The following VAV3 variants were observed in gnomAD, a reference collection of about 807,000 sequenced individuals.
The protein encoded by VAV3 is vav guanine nucleotide exchange factor 3.
A neutral mutation model predicts 131.2 loss-of-function variants in VAV3; 94 were observed. That is an observed-to-expected ratio of 0.72 (90% CI 0.61 to 0.85). The LOEUF (loss-of-function observed/expected upper bound fraction) is 0.85. Ranked by LOEUF, VAV3 falls within the 40% of genes least tolerant of loss-of-function variation. The pLI is 0.00. For missense variants in VAV3, 939 were observed against 1,002.7 expected (o/e 0.94, Z 0.86); for synonymous variants, 349 against 342.0 (o/e 1.02, Z -0.22).
At position 107,777,110 on chromosome 1, in the gene VAV3, T is replaced by A. The variant is rs546615252; in HGVS notation, c.446+121A>T. 57 of 857,194 alleles carry A rather than the reference T, an allele frequency of 6.6e-5. No individual in the cohort carries two copies. In the East Asian group the frequency reaches 1.4e-3, roughly 20 times the overall value. The allele number at this position is 857,194 out of a possible 1,614,324, so 53.1% of individuals were successfully genotyped here. A position where few individuals can be genotyped will look rare whatever the true frequency, so the allele number is the denominator to read the frequency against. ...AAAGCTTTCCATCGCCAGTTTAAGG[T>A]TAATCAGTAATTAAGCCACTTTTCC... On this transcript the variant is annotated intron_variant, in intron 4 of 26. Transcript: ENST00000370056.
chr1:107,907,247 C>A (rs2101106794), intron 1 of VAV3, among the ~76,000 whole-genome samples: 1 of 152,228 alleles, frequency 6.6e-6, no homozygotes, highest in Non-Finnish European at 1.5e-5. Context: ...AGATGCAGAG[C>A]AAATCACTGA....
At chr1:107,823,492 G>A (rs182511110) in intron 2 of VAV3, among the ~76,000 whole-genome samples, 46 of 151,894 alleles carry the variant, frequency 3.0e-4, no homozygotes, top group African/African-American at 4.8e-5. Context: ...ACGTGGGCTG[G>A]GTAGCATTAA....
At chr1:107,655,643 T>C (rs575328554) in intron 19 of VAV3, among the ~76,000 whole-genome samples, 6 of 152,126 alleles carry the variant, frequency 3.9e-5, no homozygotes, top group African/African-American at 1.4e-4. Flanking sequence ...CTAAAAAGCT[T>C]CTGAAGAGCA....
chr1:107,902,120 C>T (rs986462605), intron 1 of VAV3, among the ~76,000 whole-genome samples: 3 of 151,262 alleles, frequency 2.0e-5, no homozygotes, highest in African/African-American at 7.3e-5. Context: ...AAAAAAAATT[C>T]AGAGAAATAT....
intron 1 of VAV3, among the ~76,000 whole-genome samples, chr1:107,909,080 T>C (rs576923587): frequency 1.3e-5 from 2 of 152,326 alleles, no homozygotes; most frequent in South Asian, 2.1e-4. Flanking sequence ...AAAATATTTA[T>C]TTGCTATCTA....
At chr1:107,627,690 T>C (rs1470867209) in intron 20 of VAV3, among the ~76,000 whole-genome samples, 1 of 152,178 alleles carries the variant, frequency 6.6e-6, no homozygotes, top group Non-Finnish European at 1.5e-5. Context: ...AGAATTAAAA[T>C]CTCATTTTAT....
At chr1:107,725,175 G>T (rs1352532455) in intron 15 of VAV3, among the ~76,000 whole-genome samples, 1 of 152,170 alleles carries the variant, frequency 6.6e-6, no homozygotes, top group African/African-American at 2.4e-5. Context: ...ACAACAGTCA[G>T]TTGGGAGTCA....
chr1:107,772,911 TACTGG>T lies in VAV3; in HGVS notation c.447-73_447-69del, dbSNP rs201801980. 7.0e-3 allele frequency: 9,286 copies of T among 1,317,526 alleles called. 49 individuals are homozygous for T. The highest frequency in any genetic ancestry group is 0.023 in the Middle Eastern group (121 of 5,360). The allele number at this position is 1,317,526 out of a possible 1,614,324, so 81.6% of individuals were successfully genotyped here. On this transcript the variant is annotated intron_variant, in intron 4 of 26. Transcript: ENST00000370056. ...GTAAATGCAATAGCTACAAATAGCC[TACTGG>T]ATTTTAGTAAAAAATCCAGAAAGGA...
chr1:107,697,201 T>G (rs1659799371), intron 17 of VAV3, among the ~76,000 whole-genome samples: 1 of 152,164 alleles, frequency 6.6e-6, no homozygotes, highest in Non-Finnish European at 1.5e-5. Flanking sequence ...ATACAGAGAT[T>G]CTTCTTCCCC....
At chr1:107,903,518 A>G (rs1455329626) in intron 1 of VAV3, among the ~76,000 whole-genome samples, 1 of 152,162 alleles carries the variant, frequency 6.6e-6, no homozygotes, top group African/African-American at 2.4e-5. Flanking sequence ...ATGCCAGATA[A>G]ATGATAAAAT....
chr1:107,957,423 T>C (rs190666173), intron 1 of VAV3, among the ~76,000 whole-genome samples: 13 of 152,234 alleles, frequency 8.5e-5, no homozygotes, highest in Admixed American at 6.5e-4. Context: ...TCTACAATGA[T>C]CAGGCTTCAT....
chr1:107,751,540 A>G (rs1210968214), intron 12 of VAV3, among the ~76,000 whole-genome samples: 2 of 152,326 alleles, frequency 1.3e-5, no homozygotes, highest in African/African-American at 4.8e-5. Context: ...CTACGTGCCA[A>G]CCACCATAAC....
intron 1 of VAV3, among the ~76,000 whole-genome samples, chr1:107,906,461 G>GA (rs991568479): frequency 6.6e-6 from 1 of 151,996 alleles, no homozygotes; most frequent in African/African-American, 2.4e-5. Flanking sequence ...TCAGGAGATC[G>GA]AGACCATCCT....
intron 21 of VAV3, 90 bp from the exon 22 acceptor site, chr1:107,610,055 T>G: frequency 8.2e-7 from 1 of 1,225,908 alleles, no homozygotes; most frequent in Non-Finnish European, 1.2e-6. Context: ...GACTCAGCTC[T>G]ATAAAACCCT....
chr1:107,804,891 C>T (rs1666991143), intron 2 of VAV3, among the ~76,000 whole-genome samples: 1 of 151,442 alleles, frequency 6.6e-6, no homozygotes. Context: ...CAAAGATTAT[C>T]TCTCTTTCAT....
intron 17 of VAV3, among the ~76,000 whole-genome samples, chr1:107,700,415 T>C (rs1257623587): frequency 2.0e-5 from 3 of 152,220 alleles, no homozygotes; most frequent in Non-Finnish European, 2.9e-5. Context: ...AAGAATTAAG[T>C]GCAGCATGCA....
At chr1:107,614,614 T>G (rs1346519110) in intron 21 of VAV3, among the ~76,000 whole-genome samples, 2 of 152,118 alleles carry the variant, frequency 1.3e-5, no homozygotes, top group Admixed American at 1.3e-4. Context: ...CTGAACATAT[T>G]TCTCCTTCTA....
At chr1:107,633,391 T>G (rs1654651995) in intron 20 of VAV3, among the ~76,000 whole-genome samples, 1 of 152,150 alleles carries the variant, frequency 6.6e-6, no homozygotes, top group South Asian at 2.1e-4. Context: ...TGCAAGCCAC[T>G]TATACGCACC....
chr1:107,830,580 G>A (rs1668205106), intron 2 of VAV3, among the ~76,000 whole-genome samples: 1 of 152,072 alleles, frequency 6.6e-6, no homozygotes, highest in Non-Finnish European at 1.5e-5. Context: ...CCTCCAGCAT[G>A]ACCCTATAAA....
Sources: allele counts gnomAD v4.1 joint callset (sites outside exome capture counted in the v4.1 genomes callset), GRCh38; gene constraint gnomAD v4.1.1; transcripts MANE v1.5; gene names NCBI Gene and HGNC (gene_info 2026-07-23, HGNC 2026-07-21).